The following NDUFA10 variants were observed in gnomAD, a reference collection of about 807,000 sequenced individuals.
NDUFA10 encodes the protein NADH dehydrogenase [ubiquinone] 1 alpha subcomplex subunit 10, mitochondrial.
A neutral mutation model predicts 47.8 loss-of-function variants in NDUFA10; 40 were observed. The ratio of observed to expected loss-of-function variants is 0.84; its 90% CI spans 0.65 to 1.09. The LOEUF is 1.09. Among genes scored for constraint, NDUFA10 ranks in the 50% least tolerant of loss-of-function variants. NDUFA10 has a pLI of 0.00. For synonymous variants in NDUFA10, 183 were observed against 172.2 expected (o/e 1.06, Z -0.49); for missense variants, 413 against 451.1 (o/e 0.92, Z 0.76).
intron 5 of NDUFA10, chr2:240,012,145 C>A (rs1697168950): frequency 4.5e-6 from 1 of 223,180 alleles, no homozygotes; most frequent in Non-Finnish European, 9.1e-6. Flanking sequence ...ACCTCCATCG[C>A]TCACCCATCT....
At position 239,959,095 on chromosome 2, in the gene NDUFA10, G is replaced by A. The variant is rs1285878997; in HGVS notation, c.*2023C>T. 12 of 985,490 alleles carry A rather than the reference G, an allele frequency of 1.2e-5. No individual in the cohort carries two copies. The highest frequency in any genetic ancestry group is 1.4e-5 in the Non-Finnish European group (12 of 829,940). 61.0% of individuals were successfully genotyped at this position (985,490 alleles called of 1,614,324 possible). ...TCATCTTTCTCTGCTGAACATGCAT[G>A]TCATTGAAAACACCAGAAAATCAAA... On this transcript the variant is annotated 3_prime_UTR_variant, in exon 10 of 10. Transcript: ENST00000252711.
Position 240,016,554 on chromosome 2 carries a change from C to A in NDUFA10, c.548-1694G>T, listed in dbSNP as rs1057129501. On this transcript the variant is annotated intron_variant, in intron 4 of 9. Coordinates refer to ENST00000252711, the MANE Select transcript of NDUFA10 (RefSeq NM_004544.4). The surrounding 1 kb of genome is among the most constrained non-coding windows in gnomAD (Gnocchi z 4.4). ...GAAACGTGACAGTCACTTCTCAGTT[C>A]CCATCAGAGTCACAGCACATGTGAC... 1.3e-5 allele frequency among the ~76,000 whole-genome samples: 2 copies of A among 152,176 alleles called. No individual in the cohort carries two copies. Among genetic ancestry groups the A allele is most frequent in the Admixed American group, 6.5e-5 (1 of 15,286 alleles).
chr2:239,953,461 C>A (rs1274487228), downstream of NDUFA10, among the ~76,000 whole-genome samples: 3 of 152,234 alleles, frequency 2.0e-5, no homozygotes, highest in African/African-American at 7.2e-5. Flanking sequence ...AACTGCTCCG[C>A]GTTGATCTGG....
At chr2:239,919,809 C>T (rs1046953734) in intron 4 of NDUFA10, among the ~76,000 whole-genome samples, 30 of 152,332 alleles carry the variant, frequency 2.0e-4, no homozygotes, top group Admixed American at 2.0e-3. Flanking sequence ...CTTCCATGAA[C>T]TCTGAGTTCT....
At chr2:239,909,573 A>G (rs769479177) in intron 4 of NDUFA10, among the ~76,000 whole-genome samples, 41 of 152,186 alleles carry the variant, frequency 2.7e-4, no homozygotes, top group Non-Finnish European at 5.3e-4. Flanking sequence ...AGATCGCACC[A>G]CTGCACTCCA....
intron 5 of NDUFA10, among the ~76,000 whole-genome samples, chr2:239,894,331 T>C (rs79339881): frequency 6.0e-5 from 9 of 149,370 alleles, no homozygotes; most frequent in African/African-American, 7.5e-5. Context: ...CTCTGCCTCC[T>C]GTCCTCAGCT....
chr2:239,937,051 T>G (rs1190968649), intron 4 of NDUFA10, among the ~76,000 whole-genome samples: 1 of 152,222 alleles, frequency 6.6e-6, no homozygotes, highest in African/African-American at 2.4e-5. Context: ...CATGGCCACA[T>G]GCCCCCTCTT....
chr2:239,972,477 A>C (rs954129346), intron 9 of NDUFA10, among the ~76,000 whole-genome samples: 2 of 152,070 alleles, frequency 1.3e-5, no homozygotes, highest in Admixed American at 1.3e-4. Context: ...TATAAATGCT[A>C]ATCAATTCTG....
intron 8 of NDUFA10, among the ~76,000 whole-genome samples, chr2:239,996,481 T>G (rs897364437): frequency 6.6e-6 from 1 of 152,312 alleles, no homozygotes. Context: ...TTTAAAACAT[T>G]TTGAACGAAA....
At chr2:239,996,199 C>G (rs1026993558) in intron 8 of NDUFA10, among the ~76,000 whole-genome samples, 1 of 152,174 alleles carries the variant, frequency 6.6e-6, no homozygotes, top group Non-Finnish European at 1.5e-5. Flanking sequence ...TCAATCGGCT[C>G]GATCTGACAT....
In NDUFA10 at chr2:239,898,817, C is replaced by G. The variant is rs190370292; in HGVS notation, c.295-3503G>C. On this transcript the variant is annotated intron_variant, in intron 4 of 5. Transcript: ENST00000419408. ...AGGACCACAGAAGAATAACTGTCAT[C>G]ATACGAAAGCACAGCAAGCATTTTT... is the stretch of plus-strand genomic sequence containing the variant. Among the ~76,000 whole-genome samples the G allele has an allele frequency of 9.2e-5, 14 of 152,374 alleles. No individual in the cohort carries two copies. In the East Asian group the frequency reaches 2.7e-3, roughly 29 times the overall value.
chr2:239,899,081 AGTGTGGAGGG>A (rs1233507751), intron 4 of NDUFA10, among the ~76,000 whole-genome samples: 1 of 6,054 alleles, frequency 1.7e-4, no homozygotes, highest in African/African-American at 6.0e-4. Flanking sequence ...GTGATGGAGG[AGTGTGGAGGG>A]GTGTGGTGGA....
intron 9 of NDUFA10, chr2:239,983,761 A>G (rs1191277047): frequency 6.5e-7 from 1 of 1,540,080 alleles, no homozygotes. Context: ...AGAGTCTACA[A>G]AATACCTCAC....
Position 239,945,777 on chromosome 2 carries a change from C to A in NDUFA10, c.294+44297G>T, listed in dbSNP as rs1018842172. ...AGTGCTGCAGCTCAACCAGGCATCA[C>A]GGCCAAACGTGCAGAGTGGACCACT... On this transcript the variant is annotated intron_variant, in intron 4 of 5. Transcript: ENST00000419408. This position sits in a 1 kb window ranked among gnomAD's most constrained non-coding sequence, Gnocchi z 4.6. Among the ~76,000 whole-genome samples, 5 of 152,220 alleles carry A rather than the reference C, an allele frequency of 3.3e-5. No homozygotes were observed. The highest frequency in any genetic ancestry group is 7.3e-5 in the Non-Finnish European group (5 of 68,042).
intron 5 of NDUFA10, chr2:240,012,113 G>A: frequency 4.0e-6 from 1 of 249,278 alleles, no homozygotes; most frequent in Non-Finnish European, 8.0e-6. Context: ...GACTCTCCCT[G>A]CATCTCTCCA....
chr2:239,916,612 A>T (rs1042978399), intron 4 of NDUFA10, among the ~76,000 whole-genome samples: 5 of 152,256 alleles, frequency 3.3e-5, no homozygotes, highest in African/African-American at 1.2e-4. Context: ...GATAAAGAGC[A>T]AACATTTATT....
chr2:240,011,831 G>C lies in NDUFA10; in HGVS notation c.670-135C>G, dbSNP rs1305853757. On this transcript the variant is annotated intron_variant, in intron 5 of 9. Coordinates refer to ENST00000252711, the MANE Select transcript of NDUFA10 (RefSeq NM_004544.4). ...CACACCGGGCACTGTGGGGACTGCG[G>C]GGTGACAGCAAAGGGTCCCAACATC... 7.6e-5 allele frequency: 58 copies of C among 766,654 alleles called. No individual in the cohort carries two copies. The East Asian group carries it at 1.6e-3, about 21-fold the overall frequency. 47.5% of individuals were successfully genotyped at this position (766,654 alleles called of 1,614,324 possible). A position where few individuals can be genotyped will look rare whatever the true frequency, so the allele number is the denominator to read the frequency against.
At chr2:239,921,334 A>C (rs1693975941) in intron 4 of NDUFA10, among the ~76,000 whole-genome samples, 2 of 127,552 alleles carry the variant, frequency 1.6e-5, no homozygotes, top group South Asian at 5.1e-4. Flanking sequence ...TGACCCAAAG[A>C]GTGGAGAAGG....
At chr2:239,977,982 G>A (rs1239005876) in intron 9 of NDUFA10, among the ~76,000 whole-genome samples, 1 of 152,174 alleles carries the variant, frequency 6.6e-6, no homozygotes, top group African/African-American at 2.4e-5. Context: ...CAGCAGACTA[G>A]GTTGGGGTCC....
Sources: allele counts gnomAD v4.1 joint callset (sites outside exome capture counted in the v4.1 genomes callset), GRCh38; gene constraint gnomAD v4.1.1; non-coding constraint Gnocchi (gnomAD v3.1); transcripts MANE v1.5; gene names NCBI Gene and HGNC (gene_info 2026-07-23, HGNC 2026-07-21).